The following ACOXL variants were observed in gnomAD, a reference collection of about 807,000 sequenced individuals.
ACOXL encodes the protein acyl-coenzyme A oxidase-like protein.
In ACOXL, 70 loss-of-function variants were observed where a neutral mutation model predicts 71.9. The ratio of observed to expected loss-of-function variants is 0.97; its 90% CI spans 0.80 to 1.19. The LOEUF (loss-of-function observed/expected upper bound fraction) is 1.19. Among genes scored for constraint, ACOXL ranks in the 50% most tolerant of loss-of-function variants. The pLI is 0.00. For missense variants in ACOXL, 703 were observed against 736.3 expected (o/e 0.95, Z 0.52); for synonymous variants, 253 against 281.6 (o/e 0.90, Z 1.02).
chr2:110,793,966 C>T, intron 4 of ACOXL, 110 bp from the exon 5 acceptor site: 1 of 1,132,424 alleles, frequency 8.8e-7, no homozygotes, highest in Non-Finnish European at 1.3e-6. Context: ...TTATAATTTT[C>T]TCCAACCCAC....
At chr2:110,957,998 C>T (rs13410245) in intron 12 of ACOXL, among the ~76,000 whole-genome samples, 35,577 of 143,996 alleles carry the variant, frequency 0.25, 4,806 homozygotes, top group Middle Eastern at 0.32. Flanking sequence ...TGCAGTGAGG[C>T]AAGATCACGC....
At chr2:110,981,828 C>G (rs1463974270) in intron 12 of ACOXL, among the ~76,000 whole-genome samples, 1 of 152,120 alleles carries the variant, frequency 6.6e-6, no homozygotes, top group East Asian at 1.9e-4. Flanking sequence ...TGGAAGACCC[C>G]GAGGGACGGC....
At chr2:110,753,068 G>T (rs951214412) in intron 1 of ACOXL, among the ~76,000 whole-genome samples, 1 of 152,132 alleles carries the variant, frequency 6.6e-6, no homozygotes, top group East Asian at 1.9e-4. Context: ...GAATGGCTTG[G>T]TGCTGACCTC....
chr2:110,964,639 G>A (rs567379675), intron 12 of ACOXL, among the ~76,000 whole-genome samples: 24 of 152,220 alleles, frequency 1.6e-4, no homozygotes, highest in Non-Finnish European at 2.6e-4. Context: ...TGTACAGCAT[G>A]ATACTGTACT....
At chr2:110,759,399 C>A (rs887329858) in intron 1 of ACOXL, among the ~76,000 whole-genome samples, 1 of 152,122 alleles carries the variant, frequency 6.6e-6, no homozygotes, top group African/African-American at 2.4e-5. Context: ...GTTGGCTCTT[C>A]TTGTTGAATT....
chr2:111,024,292 T>G (rs531391465), intron 14 of ACOXL, among the ~76,000 whole-genome samples: 2 of 152,186 alleles, frequency 1.3e-5, no homozygotes, highest in Non-Finnish European at 2.9e-5. Context: ...GGAAATAGGG[T>G]CTTTGCAGAT....
chr2:110,999,273 G>A (rs932273572), intron 14 of ACOXL, among the ~76,000 whole-genome samples: 5 of 152,084 alleles, frequency 3.3e-5, no homozygotes, highest in South Asian at 2.1e-4. Flanking sequence ...GAATACTGTC[G>A]TATTGCATTA....
intron 1 of ACOXL, among the ~76,000 whole-genome samples, chr2:110,761,356 T>TA (rs1680380131): frequency 1.3e-5 from 2 of 152,232 alleles, no homozygotes; most frequent in South Asian, 2.1e-4. Context: ...AGAATGTTGA[T>TA]TAATATCAAC....
intron 17 of ACOXL, among the ~76,000 whole-genome samples, chr2:111,107,715 C>T (rs574710679): frequency 5.0e-4 from 76 of 152,278 alleles, no homozygotes; most frequent in African/African-American, 1.7e-3. Flanking sequence ...CTTGAACTCC[C>T]GATCTCATGT....
chr2:110,777,582 G>A (rs1021595634), intron 2 of ACOXL, among the ~76,000 whole-genome samples: 5 of 152,318 alleles, frequency 3.3e-5, no homozygotes, highest in African/African-American at 1.2e-4. Context: ...AGAACAGAGG[G>A]ATGGGAGAAT....
At chr2:110,773,631 C>T (rs1340368444) in intron 2 of ACOXL, among the ~76,000 whole-genome samples, 1 of 152,208 alleles carries the variant, frequency 6.6e-6, no homozygotes, top group Non-Finnish European at 1.5e-5. Context: ...GGCCTTGGCT[C>T]CCTCTTGGGC....
chr2:110,900,260 A>T (rs147241742), intron 10 of ACOXL, among the ~76,000 whole-genome samples: 6 of 152,268 alleles, frequency 3.9e-5, no homozygotes, highest in South Asian at 2.1e-4. Flanking sequence ...AGTGATGCAG[A>T]GTAAGTTAGT....
At chr2:111,052,665 C>A (rs560908510) in intron 16 of ACOXL, among the ~76,000 whole-genome samples, 1 of 152,292 alleles carries the variant, frequency 6.6e-6, no homozygotes, top group South Asian at 2.1e-4. Flanking sequence ...GATCTCCATA[C>A]CTACCTGTTT....
At chr2:110,769,278 T>A (rs1681561128) in intron 2 of ACOXL, among the ~76,000 whole-genome samples, 1 of 150,592 alleles carries the variant, frequency 6.6e-6, no homozygotes, top group African/African-American at 2.5e-5. Context: ...AATACATGAT[T>A]AGTGAGTTCC....
intron 14 of ACOXL, among the ~76,000 whole-genome samples, chr2:111,004,562 C>T (rs2063785848): frequency 6.6e-6 from 1 of 152,182 alleles, no homozygotes; most frequent in Admixed American, 6.5e-5. Flanking sequence ...AGCCCCCTTG[C>T]TTCCCTTGCT....
At chr2:110,936,453 G>A (rs983622064) in intron 12 of ACOXL, among the ~76,000 whole-genome samples, 1 of 151,968 alleles carries the variant, frequency 6.6e-6, no homozygotes, top group African/African-American at 2.4e-5. Flanking sequence ...TAGAGATGGG[G>A]ATCTCACTGT....
chr2:111,018,032 G>A (rs1349731757), intron 14 of ACOXL: 2 of 152,164 alleles, frequency 1.3e-5, no homozygotes, highest in East Asian at 3.8e-4. Context: ...AAAATGCTTA[G>A]TTGAAACTTC....
At chr2:111,079,904 G>T (rs1466684661) in intron 16 of ACOXL, among the ~76,000 whole-genome samples, 1 of 148,638 alleles carries the variant, frequency 6.7e-6, no homozygotes, top group Non-Finnish European at 1.5e-5. Flanking sequence ...ATTTCTGAAA[G>T]AATTAATTCC....
At chr2:111,004,420 G>A (rs1181140062) in intron 14 of ACOXL, among the ~76,000 whole-genome samples, 1 of 152,176 alleles carries the variant, frequency 6.6e-6, no homozygotes, top group Admixed American at 6.5e-5. Flanking sequence ...AGACCATTGA[G>A]TTCTCATGAA....
Sources: gnomAD v4.1 joint callset for allele counts (sites outside exome capture counted in the v4.1 genomes callset) on GRCh38, gnomAD v4.1.1 for gene constraint, MANE v1.5 for transcripts, NCBI Gene and HGNC (gene_info 2026-07-23, HGNC 2026-07-21) for gene names.